ANKS1B: variants seen among roughly 807,000 people sequenced by gnomAD.
ANKS1B encodes the protein ankyrin repeat and sterile alpha motif domain containing 1B.
In ANKS1B, 36 loss-of-function variants were observed where a neutral mutation model predicts 148.3. The observed-to-expected ratio is 0.24, with a 90% confidence interval of 0.19 to 0.32. The LOEUF (loss-of-function observed/expected upper bound fraction) is 0.32, where lower values mean the gene tolerates loss of function less well. ANKS1B is among the 10% of genes least tolerant of loss of function. ANKS1B has a pLI of 1.00. For missense variants in ANKS1B, 1,157 were observed against 1,542.6 expected, an observed-to-expected ratio of 0.75 and a Z score of 4.19; for synonymous variants, 542 against 560.8, an observed-to-expected ratio of 0.97 and a Z score of 0.47.
At position 99,422,723 on chromosome 12, in the gene ANKS1B, C is replaced by T. The variant is rs147342219; in HGVS notation, c.1575+20950G>A. 8.3e-4 allele frequency among the ~76,000 whole-genome samples: 126 copies of T among 152,038 alleles called. 2 individuals are homozygous for T. In the East Asian group the frequency reaches 0.021, roughly 26 times the overall value. Reference sequence around the variant, plus strand: ...ACATCTTTCCAGAAGTTTGTGAAATCGAATAAAATTTGCATAGCTATGGGA... The same window carrying T: ...ACATCTTTCCAGAAGTTTGTGAAATTGAATAAAATTTGCATAGCTATGGGA... On this transcript the variant is annotated intron_variant, in intron 11 of 26. Transcript: ENST00000683438.
At chr12:99,597,367 T>G (rs1296945900) in intron 9 of ANKS1B, among the ~76,000 whole-genome samples, 1 of 151,974 alleles carries the variant, frequency 6.6e-6, no homozygotes, top group South Asian at 2.1e-4. Context: ...TTTTCCCTTA[T>G]GAATGAAGAA....
At position 99,134,783 on chromosome 12, in the gene ANKS1B, A is replaced by T. The variant is rs150298694; in HGVS notation, c.2526+19506T>A. On this transcript the variant is annotated intron_variant, in intron 15 of 26. Coordinates refer to ENST00000683438, the MANE Select transcript of ANKS1B (RefSeq NM_001352186.2). The stretch of plus-strand genomic sequence containing the variant: ...CATTTTAAAAAGCCTTTCTGGGGAG[A>T]GCTGGAGCAACTAGTACAGTGGTGT... Among the ~76,000 whole-genome samples, 1,190 of 151,928 alleles carry T rather than the reference A, an allele frequency of 7.8e-3. 13 individuals carry two copies. Among genetic ancestry groups the T allele is most frequent in the African/African-American group, 0.028 (1,147 of 41,364 alleles).
chr12:99,875,505 T>C (rs1416077644), intron 1 of ANKS1B, among the ~76,000 whole-genome samples: 1 of 151,786 alleles, frequency 6.6e-6, no homozygotes, highest in Non-Finnish European at 1.5e-5. Context: ...GAAGAAAAGA[T>C]TAACTCAGAA....
chr12:99,353,950 A>C (rs1295868818), intron 12 of ANKS1B, among the ~76,000 whole-genome samples: 1 of 152,028 alleles, frequency 6.6e-6, no homozygotes, highest in Non-Finnish European at 1.5e-5. Flanking sequence ...CATTGATGTT[A>C]CTAGGATTAT....
chr12:99,417,671 C>A (rs1222710229), intron 11 of ANKS1B, among the ~76,000 whole-genome samples: 2 of 152,094 alleles, frequency 1.3e-5, no homozygotes, highest in African/African-American at 2.4e-5. Context: ...GTCTTCTAAT[C>A]CATAAACAGG....
At chr12:98,825,558 C>G (rs182520827) in intron 19 of ANKS1B, among the ~76,000 whole-genome samples, 8 of 152,070 alleles carry the variant, frequency 5.3e-5, no homozygotes, top group East Asian at 3.9e-4. Flanking sequence ...TGTTGAGAAG[C>G]CTTTGTTTTG....
At chr12:98,839,236 T>C (rs2099392202) in intron 17 of ANKS1B, among the ~76,000 whole-genome samples, 2 of 152,230 alleles carry the variant, frequency 1.3e-5, no homozygotes. Context: ...GCCTTTCACA[T>C]ATAACCACCA....
intron 9 of ANKS1B, among the ~76,000 whole-genome samples, chr12:99,572,006 G>T (rs376976533): frequency 1.8e-4 from 28 of 152,152 alleles, no homozygotes; most frequent in African/African-American, 6.3e-4. Flanking sequence ...AAACATGACA[G>T]GTTTGAGAAG....
chr12:99,232,283 TTAAGTA>T (rs1161256372), intron 14 of ANKS1B, among the ~76,000 whole-genome samples: 4 of 152,214 alleles, frequency 2.6e-5, no homozygotes, highest in African/African-American at 9.6e-5. Context: ...CAATTTAACC[TTAAGTA>T]TAAGAAGAAA....
chr12:98,745,624 C>A lies in ANKS1B; in HGVS notation c.*115G>T. 1 of 1,469,026 alleles carries A rather than the reference C, an allele frequency of 6.8e-7. No individual in the cohort carries two copies. The highest frequency in any genetic ancestry group is 9.0e-7 in the Non-Finnish European group (1 of 1,108,694). 91.0% of individuals were successfully genotyped at this position (1,469,026 alleles called of 1,614,324 possible). A position where few individuals can be genotyped will look rare whatever the true frequency, so the allele number is the denominator to read the frequency against. On this transcript the variant is annotated 3_prime_UTR_variant, in exon 27 of 27. Coordinates refer to ENST00000683438, the MANE Select transcript of ANKS1B (RefSeq NM_001352186.2). ...AGTGGCCTTTCGCCCGTAACAAGGC[C>A]GCACGCTCAGAGCAGTCTTCCTCCT...
chr12:98,849,438 G>A (rs1646253792), intron 17 of ANKS1B, among the ~76,000 whole-genome samples: 1 of 152,160 alleles, frequency 6.6e-6, no homozygotes, highest in Non-Finnish European at 1.5e-5. Context: ...AATTAAGGAG[G>A]CTGGGAGAAA....
At position 99,176,833 on chromosome 12, in the gene ANKS1B, GC is replaced by G. The variant is rs374427900; in HGVS notation, c.2420-22439del. Among the ~76,000 whole-genome samples the G allele has an allele frequency of 5.2e-3, 784 of 152,126 alleles. 11 individuals are homozygous for G. Among genetic ancestry groups the G allele is most frequent in the African/African-American group, 0.018 (767 of 41,506 alleles). On this transcript the variant is annotated intron_variant, in intron 14 of 26. Coordinates refer to ENST00000683438, the MANE Select transcript of ANKS1B (RefSeq NM_001352186.2). ...CACCATCAATAAAGGCTCCCTGAGA[GC>G]CCCCCAGAAGCCAAGCAGATGCCAG... is the stretch of plus-strand genomic sequence containing the variant.
chr12:99,484,764 G>T (rs73147334), intron 10 of ANKS1B, among the ~76,000 whole-genome samples: 3,467 of 63,600 alleles, frequency 0.055, 158 homozygotes, highest in African/African-American at 0.2. Context: ...GTGTGTGTGT[G>T]TTTTTTTTTT....
At chr12:99,981,644 A>C (rs2095703698) in intron 1 of ANKS1B, among the ~76,000 whole-genome samples, 4 of 152,104 alleles carry the variant, frequency 2.6e-5, no homozygotes, top group Admixed American at 6.5e-5. Flanking sequence ...CAGATTTTCA[A>C]ATCTTTGCCA....
intron 9 of ANKS1B, among the ~76,000 whole-genome samples, chr12:99,574,554 C>T (rs1282524154): frequency 6.6e-6 from 1 of 151,764 alleles, no homozygotes; most frequent in Non-Finnish European, 1.5e-5. Context: ...GCAAATAAAG[C>T]TCAGCAATAT....
chr12:98,959,835 T>C (rs2099868285), intron 17 of ANKS1B, among the ~76,000 whole-genome samples: 1 of 152,132 alleles, frequency 6.6e-6, no homozygotes, highest in South Asian at 2.1e-4. Context: ...ACACTGGTGG[T>C]ACCCAGGAAG....
intron 17 of ANKS1B, among the ~76,000 whole-genome samples, chr12:99,014,592 C>T (rs1689719522): frequency 6.6e-6 from 1 of 151,764 alleles, no homozygotes; most frequent in African/African-American, 2.4e-5. Context: ...AGATAATTTA[C>T]ATAATGGTAG....
rs2063580004 is a variant in ANKS1B at position 99,775,670 on chromosome 12, A to T, written c.848-9T>A. ...CACGCCTTCTAAATACTCTGTGTGT[A>T]TACATTTTTGAGATTACATACTTGA... On this transcript the variant is annotated splice_polypyrimidine_tract_variant and intron_variant, in intron 6 of 26. Coordinates refer to ENST00000683438, the MANE Select transcript of ANKS1B (RefSeq NM_001352186.2). 6.7e-7 allele frequency: 1 copy of T among 1,489,616 alleles called. No homozygotes were observed. The highest frequency in any genetic ancestry group is 9.2e-7 in the Non-Finnish European group (1 of 1,088,070). The allele number at this position is 1,489,616 out of a possible 1,614,324, so 92.3% of individuals were successfully genotyped here. A position where few individuals can be genotyped will look rare whatever the true frequency, so the allele number is the denominator to read the frequency against.
At chr12:99,878,517 AT>A (rs34299237) in intron 1 of ANKS1B, among the ~76,000 whole-genome samples, 1 of 152,112 alleles carries the variant, frequency 6.6e-6, no homozygotes, top group Non-Finnish European at 1.5e-5. Flanking sequence ...AGTCCTAGCA[AT>A]TTTCCTTTTA....
Sources: allele counts gnomAD v4.1 joint callset (sites outside exome capture counted in the v4.1 genomes callset), GRCh38; gene constraint gnomAD v4.1.1; transcripts MANE v1.5; gene names NCBI Gene and HGNC (gene_info 2026-07-23, HGNC 2026-07-21).